CACNA1D: variants seen among roughly 807,000 people sequenced by gnomAD.
CACNA1D encodes the protein voltage-dependent L-type calcium channel subunit alpha-1D.
CACNA1D carries 55 observed loss-of-function variants against 257.1 expected under a neutral mutation model. The ratio of observed to expected loss-of-function variants is 0.21; its 90% CI spans 0.17 to 0.27. CACNA1D has a LOEUF of 0.27. Ranked by LOEUF, CACNA1D falls within the 10% of genes least tolerant of loss-of-function variation. The probability of loss-of-function intolerance (pLI) is 1.00; values close to 1 mark genes in which losing one functional copy is unlikely to be tolerated. For missense variants in CACNA1D, 1,876 were observed against 2,784.0 expected (o/e 0.67, Z 7.34); for synonymous variants, 980 against 1,014.9 (o/e 0.97, Z 0.65).
At chr3:53,551,581 G>A (rs768202733) in intron 3 of CACNA1D, among the ~76,000 whole-genome samples, 13 of 152,206 alleles carry the variant, frequency 8.5e-5, no homozygotes, top group African/African-American at 2.9e-4. Context: ...GCTACCTACC[G>A]TGGTGGATGC....
chr3:53,788,934 G>C (rs565709808), intron 40 of CACNA1D, among the ~76,000 whole-genome samples: 42 of 152,018 alleles, frequency 2.8e-4, no homozygotes, highest in Non-Finnish European at 5.0e-4. Context: ...GACAATTTCA[G>C]CACTTTCTCT....
chr3:53,645,205 A>G (rs1414393934), intron 3 of CACNA1D, among the ~76,000 whole-genome samples: 1 of 152,144 alleles, frequency 6.6e-6, no homozygotes, highest in Non-Finnish European at 1.5e-5. Context: ...TTCCTTATCT[A>G]TTTTTGATAT....
rs78261360 is a variant in CACNA1D, at chr3:53,555,131, A to G, written c.483+53411A>G. On this transcript the variant is annotated intron_variant, in intron 3 of 47. Coordinates refer to ENST00000350061, the MANE Select transcript of CACNA1D (RefSeq NM_001128840.3). ...ATATCCTACTATTTCTATGTAGTGTATCTGGCGTGGTCCCATGAGGATGCC... is the reference window on the plus strand; with the variant it reads ...ATATCCTACTATTTCTATGTAGTGTGTCTGGCGTGGTCCCATGAGGATGCC... 4.3e-3 allele frequency among the ~76,000 whole-genome samples: 657 copies of G among 152,346 alleles called. 3 individuals are homozygous for G. Among genetic ancestry groups the G allele is most frequent in the African/African-American group, 0.015 (623 of 41,582 alleles).
rs998444275 is a variant in CACNA1D, at chr3:53,801,336, C to T, written c.5319C>T (p.Ser1773=). The change falls in exon 42 of 48, where the codon AGC becomes AGT. Residue 1773 remains serine (S), a synonymous_variant. Transcript: ENST00000350061. ...MSKAAHGKRP[S]IGNLEHVSEN... is the part of the protein sequence containing the mutation. ...AAGCTGCCCATGGAAAGCGGCCCAGCATTGGGAACCTTGAGCATGTGTCTG... is the reference window on the plus strand; with the variant it reads ...AAGCTGCCCATGGAAAGCGGCCCAGTATTGGGAACCTTGAGCATGTGTCTG... 2 of 1,614,062 alleles carry T rather than the reference C, an allele frequency of 1.2e-6. No homozygotes were observed. The highest frequency in any genetic ancestry group is 2.7e-5 in the African/African-American group (2 of 74,938).
intron 8 of CACNA1D, among the ~76,000 whole-genome samples, chr3:53,697,208 C>T (rs2094580649): frequency 6.6e-6 from 1 of 152,226 alleles, no homozygotes; most frequent in African/African-American, 2.4e-5. Context: ...GTGGAGGCTG[C>T]TCCAGATGAT....
chr3:53,632,549 G>A (rs1179795554), intron 3 of CACNA1D, among the ~76,000 whole-genome samples: 2 of 152,230 alleles, frequency 1.3e-5, no homozygotes, highest in Admixed American at 6.5e-5. Flanking sequence ...TTGGCTAATG[G>A]TTTGGTACGA....
Position 53,808,700 on chromosome 3 carries a change from A to T in CACNA1D, c.5801A>T (p.Gln1934Leu), listed in dbSNP as rs2095580149. Residue 1934 changes from glutamine (Q) to leucine (L), a missense_variant, in exon 46 of 48, where the codon CAG (glutamine) becomes CTG (leucine). Around this residue, in one of 10 missense-constraint regions of CACNA1D, gnomAD observed 491 missense variants for 554.3 expected, o/e 0.89. Transcript: ENST00000350061. ...NFECLRRQSS[Q>L]EEVPSSPIFP... ...GAGTGCCTGCGCCGGCAGAGCAGCC[A>T]GGAAGAGGTCCCGTCGTCTCCCATC... 1 of 1,609,502 alleles carries T rather than the reference A, an allele frequency of 6.2e-7. No individual in the cohort carries two copies. Among genetic ancestry groups the T allele is most frequent in the African/African-American group, 1.3e-5 (1 of 74,884 alleles).
intron 9 of CACNA1D, among the ~76,000 whole-genome samples, chr3:53,707,628 T>C (rs1424250359): frequency 6.6e-6 from 1 of 152,234 alleles, no homozygotes; most frequent in African/African-American, 2.4e-5. Flanking sequence ...TTTATTTAAC[T>C]TTTTGCTGAG....
At chr3:53,761,261 G>A (rs1341959757) in intron 29 of CACNA1D, among the ~76,000 whole-genome samples, 1 of 152,224 alleles carries the variant, frequency 6.6e-6, no homozygotes, top group African/African-American at 2.4e-5. Flanking sequence ...TTGAAGGACA[G>A]AGGGAGCCCT....
At chr3:53,781,734 A>G in intron 39 of CACNA1D, 67 bp downstream of exon 39, 1 of 1,078,252 alleles carries the variant, frequency 9.3e-7, no homozygotes, top group South Asian at 1.2e-5. Flanking sequence ...GTGTCTCCAG[A>G]AAGTCCAGAG....
rs766691012 is a variant in CACNA1D at position 53,791,227 on chromosome 3, T to G, written c.4923+4275T>G. On this transcript the variant is annotated intron_variant, in intron 40 of 47. Coordinates refer to ENST00000350061, the MANE Select transcript of CACNA1D (RefSeq NM_001128840.3). ...GCTCATCTGCGGAGCCAGGGCTGCC[T>G]GTCGCGGACGTTGCTCACGGTGGTT... is the stretch of plus-strand genomic sequence containing the variant. 61 of 561,912 alleles carry G rather than the reference T, an allele frequency of 1.1e-4. No homozygotes were observed. The Middle Eastern group carries it at 1.4e-3, about 13-fold the overall frequency. The allele number at this position is 561,912 out of a possible 1,614,324, so 34.8% of individuals were successfully genotyped here.
chr3:53,788,047 G>A (rs2095465133), intron 40 of CACNA1D, among the ~76,000 whole-genome samples: 1 of 152,204 alleles, frequency 6.6e-6, no homozygotes, highest in Non-Finnish European at 1.5e-5. Context: ...GCAGCGTTGT[G>A]TGTTCAAAGT....
rs191387477 is a variant in CACNA1D, at chr3:53,810,627, G to A, written c.6192+329G>A. 2.4e-4 allele frequency: 93 copies of A among 379,608 alleles called. 1 individual carries two copies. The highest frequency in any genetic ancestry group is 2.2e-3 in the East Asian group (34 of 15,440). The allele number at this position is 379,608 out of a possible 1,614,324, so 23.5% of individuals were successfully genotyped here. A position where few individuals can be genotyped will look rare whatever the true frequency, so the allele number is the denominator to read the frequency against. ...ACAAAAATTAGCCGGGCGTGGTGGT[G>A]TATGCCTGTAATCCCAGCTACTCAG... is the stretch of plus-strand genomic sequence containing the variant. On this transcript the variant is annotated intron_variant, in intron 47 of 47. Transcript: ENST00000350061.
At chr3:53,697,257 C>T (rs535365779) in intron 8 of CACNA1D, among the ~76,000 whole-genome samples, 11 of 152,274 alleles carry the variant, frequency 7.2e-5, no homozygotes, top group South Asian at 2.1e-4. Context: ...TGCTTCTGGG[C>T]GATCCCAGCA....
chr3:53,537,356 G>A lies in CACNA1D; in HGVS notation c.483+35636G>A, dbSNP rs551038452. Reference sequence around the variant, plus strand: ...CATCATTCAGCTTTCATAACTCTTCGTCTTATAGCCAATCTTATTTAATTT... The same window carrying A: ...CATCATTCAGCTTTCATAACTCTTCATCTTATAGCCAATCTTATTTAATTT... On this transcript the variant is annotated intron_variant, in intron 3 of 47. Transcript: ENST00000350061. 2.2e-4 allele frequency among the ~76,000 whole-genome samples: 33 copies of A among 152,136 alleles called. 1 individual carries two copies. The highest frequency in any genetic ancestry group is 7.5e-4 in the African/African-American group (31 of 41,490).
At chr3:53,788,318 A>G (rs1041369375) in intron 40 of CACNA1D, among the ~76,000 whole-genome samples, 1 of 152,330 alleles carries the variant, frequency 6.6e-6, no homozygotes, top group South Asian at 2.1e-4. Flanking sequence ...GACTGAAGAC[A>G]GTGATCTTCC....
At chr3:53,611,478 T>C (rs1312341602) in intron 3 of CACNA1D, among the ~76,000 whole-genome samples, 7 of 152,226 alleles carry the variant, frequency 4.6e-5, no homozygotes, top group African/African-American at 9.6e-5. Flanking sequence ...TTTCTTGATA[T>C]CAGTTTTTGG....
In CACNA1D at chr3:53,774,713, AG is replaced by A. The variant is rs749331926; in HGVS notation, c.4202+41del. The A allele has an allele frequency of 1.3e-5, 17 of 1,290,674 alleles. No individual in the cohort carries two copies. Among genetic ancestry groups the A allele is most frequent in the East Asian group, 2.3e-5 (1 of 43,466 alleles). 80.0% of individuals were successfully genotyped at this position (1,290,674 alleles called of 1,614,324 possible). A position where few individuals can be genotyped will look rare whatever the true frequency, so the allele number is the denominator to read the frequency against. On this transcript the variant is annotated intron_variant, in intron 34 of 47. Coordinates refer to ENST00000350061, the MANE Select transcript of CACNA1D (RefSeq NM_001128840.3). This position sits in a 1 kb window ranked among gnomAD's most constrained non-coding sequence, Gnocchi z 4.3. ...ACTGGCTTGGGCGGTGCTCCTGGGC[AG>A]GGGGGTCCGCTAGGCGTGGGTCCAG...
At chr3:53,590,250 C>T (rs138816007) in intron 3 of CACNA1D, among the ~76,000 whole-genome samples, 6 of 152,198 alleles carry the variant, frequency 3.9e-5, no homozygotes, top group African/African-American at 1.2e-4. Context: ...GCTTCTAGAC[C>T]GTGTCCTCTC....
Sources: gnomAD v4.1 joint callset for allele counts (sites outside exome capture counted in the v4.1 genomes callset) on GRCh38, gnomAD v4.1.1 for gene constraint, gnomAD v4.1.1 regional missense constraint, Gnocchi (gnomAD v3.1) non-coding constraint, MANE v1.5 for transcripts, NCBI Gene and HGNC (gene_info 2026-07-23, HGNC 2026-07-21) for gene names.